TENM2: variants seen among roughly 807,000 people sequenced by gnomAD.
TENM2 encodes the protein teneurin-2.
Under a neutral mutation model 245.2 loss-of-function variants are expected in TENM2, and 52 were observed. The observed-to-expected ratio is 0.21, with a 90% CI of 0.17 to 0.27. TENM2 has a LOEUF of 0.27. TENM2 is among the 10% of genes least tolerant of loss of function. TENM2 has a pLI of 1.00. For missense variants in TENM2, 3,046 were observed against 3,666.8 expected (o/e 0.83, Z 4.37); for synonymous variants, 1,363 against 1,438.9 (o/e 0.95, Z 1.19).
At chr5:168,246,653 G>T in intron 26 of TENM2, 104 bp from the exon 29 acceptor site, 1 of 1,144,296 alleles carries the variant, frequency 8.7e-7, no homozygotes, top group South Asian at 1.4e-5. Context: ...CATCTTTCAT[G>T]ACTTTTGAGT....
the TENM2 span, among the ~76,000 whole-genome samples, chr5:167,213,044 G>T: frequency 6.6e-6 from 1 of 152,198 alleles, no homozygotes; most frequent in Admixed American, 6.5e-5. Context: ...CAGTTTTAAA[G>T]TTAGCAGACC....
At chr5:167,425,742 G>T (rs1763774001) in intron 2 of TENM2, among the ~76,000 whole-genome samples, 1 of 151,344 alleles carries the variant, frequency 6.6e-6, no homozygotes, top group African/African-American at 2.4e-5. Context: ...AAATAACAAT[G>T]CTGCTGCTGC....
At chr5:167,713,963 A>G (rs1438884414) in intron 2 of TENM2, among the ~76,000 whole-genome samples, 1 of 152,336 alleles carries the variant, frequency 6.6e-6, no homozygotes, top group East Asian at 1.9e-4. Context: ...CCACAAGACC[A>G]TTGAACAGTC....
At chr5:168,042,714 T>C (rs1031939451) in intron 5 of TENM2, among the ~76,000 whole-genome samples, 2 of 152,112 alleles carry the variant, frequency 1.3e-5, no homozygotes, top group Admixed American at 6.5e-5. Context: ...TATCACACCC[T>C]CACTCCACGT....
intron 4 of TENM2, among the ~76,000 whole-genome samples, chr5:167,984,924 G>A (rs2151980419): frequency 6.6e-6 from 1 of 152,116 alleles, no homozygotes; most frequent in Non-Finnish European, 1.5e-5. Context: ...GCCTCAACCA[G>A]CACCATTCCT....
chr5:167,876,918 A>G (rs1773473353), intron 3 of TENM2, among the ~76,000 whole-genome samples: 1 of 152,138 alleles, frequency 6.6e-6, no homozygotes, highest in Non-Finnish European at 1.5e-5. Flanking sequence ...CCACTGTCTT[A>G]GCTCCCAATC....
chr5:167,389,690 T>C (rs1284833928), intron 2 of TENM2, among the ~76,000 whole-genome samples: 1 of 152,174 alleles, frequency 6.6e-6, no homozygotes, highest in Non-Finnish European at 1.5e-5. Flanking sequence ...ACTTAGAACA[T>C]ACACAGTTAT....
Position 167,956,900 on chromosome 5 carries a change from C to T in TENM2, c.947+4078C>T, listed in dbSNP as rs895765922. ...AGTATTTTATTGAGGATTTTCGCAT[C>T]GATGTTCAGCAGGGATATTGGCCTG... On this transcript the variant is annotated intron_variant, in intron 4 of 28. Transcript: ENST00000518659. 3.3e-5 allele frequency among the ~76,000 whole-genome samples: 5 copies of T among 152,070 alleles called. No homozygotes were observed. The South Asian group carries it at 6.2e-4, about 19-fold the overall frequency.
intron 2 of TENM2, among the ~76,000 whole-genome samples, chr5:167,641,028 C>T (rs1415117903): frequency 1.3e-5 from 2 of 150,448 alleles, no homozygotes; most frequent in African/African-American, 4.9e-5. Flanking sequence ...AGTGGAAACC[C>T]TAGGAGTCAG....
chr5:167,983,454 C>T (rs572636016), intron 4 of TENM2, among the ~76,000 whole-genome samples: 1 of 152,038 alleles, frequency 6.6e-6, no homozygotes, highest in Non-Finnish European at 1.5e-5. Flanking sequence ...ATTTTTGGTA[C>T]GGCTGCAAAT....
chr5:167,979,785 A>C (rs1782698847), intron 4 of TENM2, among the ~76,000 whole-genome samples: 1 of 152,196 alleles, frequency 6.6e-6, no homozygotes, highest in Non-Finnish European at 1.5e-5. Flanking sequence ...GCTCCTTTGA[A>C]TAGAAGGAAG....
intron 4 of TENM2, among the ~76,000 whole-genome samples, chr5:167,973,165 C>G (rs1214157388): frequency 2.6e-5 from 4 of 152,198 alleles, no homozygotes; most frequent in Admixed American, 2.6e-4. Flanking sequence ...GATTGTTTAA[C>G]TATTACAGAA....
At chr5:167,914,953 C>A (rs532238304) in intron 3 of TENM2, among the ~76,000 whole-genome samples, 1 of 152,120 alleles carries the variant, frequency 6.6e-6, no homozygotes, top group Non-Finnish European at 1.5e-5. Context: ...TCTGCAATAA[C>A]CTTATTTCCA....
the TENM2 span, among the ~76,000 whole-genome samples, chr5:167,034,977 A>T: frequency 6.6e-6 from 1 of 152,166 alleles, no homozygotes; most frequent in Non-Finnish European, 1.5e-5. Context: ...ACACACATAT[A>T]ACAATGTTTT....
At chr5:167,863,458 T>TACACACAC (rs35475369) in intron 2 of TENM2, among the ~76,000 whole-genome samples, 28 of 143,338 alleles carry the variant, frequency 2.0e-4, no homozygotes, top group East Asian at 1.8e-3. Context: ...CTACTAAAAA[T>TACACACAC]ACACACACAC....
intron 12 of TENM2, among the ~76,000 whole-genome samples, chr5:168,145,090 A>C (rs1755928223): frequency 1.3e-5 from 2 of 150,890 alleles, no homozygotes; most frequent in Non-Finnish European, 3.0e-5. Context: ...GCCCTTTGTC[A>C]GATGAGTAGG....
intron 12 of TENM2, chr5:168,130,502 G>A (rs1215735434): frequency 2.0e-5 from 3 of 152,120 alleles, no homozygotes; most frequent in Non-Finnish European, 4.4e-5. Context: ...TAGCGCAGAC[G>A]GCACATTGTG....
intron 2 of TENM2, among the ~76,000 whole-genome samples, chr5:167,651,641 T>C (rs1754469431): frequency 6.6e-6 from 1 of 152,146 alleles, no homozygotes; most frequent in South Asian, 2.1e-4. Flanking sequence ...AGTATCAGCA[T>C]AGAAAGAGGC....
rs182080884 is a variant in TENM2, at chr5:167,950,001, T to A, written c.713-2587T>A. The stretch of plus-strand genomic sequence containing the variant: ...GTTTTTGTTGCTGTCAATAATTTGA[T>A]CTATCTGCAATGAAATATCATCTTG... On this transcript the variant is annotated intron_variant, in intron 3 of 28. Coordinates refer to ENST00000518659, the Ensembl canonical transcript of TENM2. Among the ~76,000 whole-genome samples the A allele has an allele frequency of 4.4e-4, 67 of 152,294 alleles. 1 individual carries two copies. Among genetic ancestry groups the A allele is most frequent in the Admixed American group, 1.4e-3 (21 of 15,300 alleles).
Sources: allele counts gnomAD v4.1 joint callset (sites outside exome capture counted in the v4.1 genomes callset), GRCh38; gene constraint gnomAD v4.1.1; transcripts MANE v1.5; gene names NCBI Gene and HGNC (gene_info 2026-07-23, HGNC 2026-07-21).